Variants in SPEG observed in about 807,000 individuals in gnomAD.
SPEG encodes striated muscle enriched protein kinase, also known as striated muscle preferentially expressed protein kinase.
In SPEG, 114 loss-of-function variants were observed where a neutral mutation model predicts 300.4. That is an observed-to-expected ratio of 0.38 (90% confidence interval 0.33 to 0.44). SPEG has a LOEUF of 0.44. Ranked by LOEUF, SPEG falls within the 20% of genes least tolerant of loss-of-function variation. SPEG has a pLI of 1.00. For synonymous variants in SPEG, 1,964 were observed against 2,018.9 expected (o/e 0.97, Z 0.73); for missense variants, 4,201 against 4,586.2 (o/e 0.92, Z 2.43).
chr2:219,449,147 G>A lies in SPEG; in HGVS notation c.1989G>A (p.Gly663=). The A allele has an allele frequency of 1.4e-6, 2 of 1,432,036 alleles. No individual in the cohort carries two copies. The highest frequency in any genetic ancestry group is 1.5e-5 in the South Asian group (1 of 67,060). The allele number at this position is 1,432,036 out of a possible 1,614,324, so 88.7% of individuals were successfully genotyped here. A position where few individuals can be genotyped will look rare whatever the true frequency, so the allele number is the denominator to read the frequency against. ...VPQTLEKNRA[G]PEAEKRLRRG... ...AGACCTTGGAGAAGAACAGGGCGGG[G>A]CCTGAGGCAGAGAAGAGGCTTCGCA... is the stretch of plus-strand genomic sequence containing the variant. The change falls in exon 4 of 41, where the codon GGG becomes GGA. Residue 663 remains glycine, a synonymous_variant. Coordinates refer to ENST00000312358, the MANE Select transcript of SPEG (RefSeq NM_005876.5).
intron 18 of SPEG, chr2:219,474,217 A>C: frequency 4.7e-6 from 1 of 213,582 alleles, no homozygotes; most frequent in Non-Finnish European, 9.5e-6. Context: ...ATCTCTACTA[A>C]AAATACAAAA....
In SPEG at chr2:219,443,123, C is replaced by T. The variant is rs769530500; in HGVS notation, c.389-1530C>T. ...TCTCTTTCAGAAAACCGGCCATTCC[C>T]GCCGGGCCTTTGGCCGACTCACCCA... On this transcript the variant is annotated intron_variant, in intron 1 of 40. Coordinates refer to ENST00000312358, the MANE Select transcript of SPEG (RefSeq NM_005876.5). The surrounding 1 kb of genome is among the most constrained non-coding windows in gnomAD (Gnocchi z 4.6). 7.4e-6 allele frequency: 12 copies of T among 1,612,686 alleles called. No individual in the cohort carries two copies. Among genetic ancestry groups the T allele is most frequent in the South Asian group, 3.3e-5 (3 of 91,062 alleles).
At chr2:219,491,699 A>T in intron 38 of SPEG, 95 bp from the exon 39 acceptor site, 2 of 923,508 alleles carry the variant, frequency 2.2e-6, no homozygotes, top group South Asian at 1.4e-5. Context: ...GGTGACCAGG[A>T]CATTGTCCTG....
chr2:219,435,183 C>G lies in SPEG; in HGVS notation c.206C>G (p.Thr69Arg). ...CGGCTGCGGGTGGTGGTGAGCGGGA[C>G]GCCCCAGCCCAGCCTCCGCTGGTTC... is the stretch of plus-strand genomic sequence containing the variant. Reference protein sequence around the residue: ...DVRLRVVVSGTPQPSLRWFRD... With the variant: ...DVRLRVVVSGRPQPSLRWFRD... The change falls in exon 1 of 41, where the codon ACG (threonine) becomes AGG (arginine). Residue 69 changes from threonine (T) to arginine (R), a missense_variant. Transcript: ENST00000312358. The G allele has an allele frequency of 6.8e-7, 1 of 1,476,366 alleles. No homozygotes were observed. Among genetic ancestry groups the G allele is most frequent in the East Asian group, 2.9e-5 (1 of 34,680 alleles). 91.5% of individuals were successfully genotyped at this position (1,476,366 alleles called of 1,614,324 possible). A position where few individuals can be genotyped will look rare whatever the true frequency, so the allele number is the denominator to read the frequency against.
At position 219,489,770 on chromosome 2, in the gene SPEG, C is replaced by G. The variant is rs1338319581; in HGVS notation, c.8752C>G (p.Pro2918Ala). Residue 2918 changes from proline to alanine, a missense_variant, in exon 36 of 41, where the codon CCT becomes GCT. By Grantham distance (27) the Pro-to-Ala change is conservative (BLOSUM62 -1). Coordinates refer to ENST00000312358, the MANE Select transcript of SPEG (RefSeq NM_005876.5). ...ACCACCAGCCCCTGAGCCCCCAGCC[C>G]CTGAGCCCCCTCCTGAGCCTACCAA... Reference protein sequence around the residue: ...SAPPAPEPPAPEPPPEPTKVT... With the variant: ...SAPPAPEPPAAEPPPEPTKVT... 1.2e-6 allele frequency: 2 copies of G among 1,613,724 alleles called. No homozygotes were observed. The highest frequency in any genetic ancestry group is 2.2e-5 in the South Asian group (2 of 91,080).
In SPEG at chr2:219,435,240, C is replaced by T. The variant is rs1459813454; in HGVS notation, c.263C>T (p.Pro88Leu). Reference protein sequence around the residue: ...RDGQLLPAPAPEPSCLWLRRC... With the variant: ...RDGQLLPAPALEPSCLWLRRC... The stretch of plus-strand genomic sequence containing the variant: ...GGGCAGCTCCTGCCCGCGCCGGCCC[C>T]CGAGCCCAGCTGCCTGTGGCTGCGG... The change falls in exon 1 of 41, where the codon CCC becomes CTC. Residue 88 changes from proline to leucine, a missense_variant. Transcript: ENST00000312358. 6.8e-7 allele frequency: 1 copy of T among 1,479,302 alleles called. No homozygotes were observed. The highest frequency in any genetic ancestry group is 1.5e-5 in the African/African-American group (1 of 67,894). The allele number at this position is 1,479,302 out of a possible 1,614,324, so 91.6% of individuals were successfully genotyped here. A position where few individuals can be genotyped will look rare whatever the true frequency, so the allele number is the denominator to read the frequency against.
rs761495394 is a variant in SPEG, at chr2:219,492,775, G to A, written c.9793G>A (p.Gly3265Ser). ...RHKVLLRSYP[G>S]GP is the part of the protein sequence containing the mutation. ...CAAGGTGCTGCTGCGCTCCTACCCT[G>A]GCGGCCCCTAGAGGCACGGACCACA... is the stretch of plus-strand genomic sequence containing the variant. The change falls in exon 41 of 41, where the codon GGC becomes AGC. Residue 3265 changes from glycine to serine, a missense_variant. Transcript: ENST00000312358. The A allele has an allele frequency of 6.9e-6, 11 of 1,593,632 alleles. No individual in the cohort carries two copies. The highest frequency in any genetic ancestry group is 3.4e-5 in the Admixed American group (2 of 58,806).
chr2:219,445,142 C>A lies in SPEG; in HGVS notation c.796C>A (p.Arg266=). 1 of 1,579,072 alleles carries A rather than the reference C, an allele frequency of 6.3e-7. No individual in the cohort carries two copies. The change falls in exon 3 of 41, where the codon CGG becomes AGG. Residue 266 remains arginine, a synonymous_variant. Coordinates refer to ENST00000312358, the MANE Select transcript of SPEG (RefSeq NM_005876.5). This position sits in a 1 kb window ranked among gnomAD's most constrained non-coding sequence, Gnocchi z 6.1. ...CAGCGCATTCAGCCTGTACAGAGGACGGGCGCTCTCTATCCACGTGTAAGT... is the reference window on the plus strand; with the variant it reads ...CAGCGCATTCAGCCTGTACAGAGGAAGGGCGCTCTCTATCCACGTGTAAGT... ...YGSAFSLYRG[R]ALSIHVSVPQ...
At chr2:219,490,334 C>T in intron 36 of SPEG, 75 bp from the exon 37 acceptor site, 2 of 1,538,996 alleles carry the variant, frequency 1.3e-6, no homozygotes, top group Non-Finnish European at 1.8e-6. Flanking sequence ...CCCTGCTCTC[C>T]TCCGTTAGCC....
Position 219,489,783 on chromosome 2 carries a change from C to T in SPEG, c.8765C>T (p.Pro2922Leu), listed in dbSNP as rs1203995695. 2 of 1,613,712 alleles carry T rather than the reference C, an allele frequency of 1.2e-6. No individual in the cohort carries two copies. The highest frequency in any genetic ancestry group is 2.2e-5 in the South Asian group (2 of 91,086). Residue 2922 changes from proline to leucine, a missense_variant, in exon 36 of 41, where the codon CCT becomes CTT. By Grantham distance (98) the Pro-to-Leu change is moderately conservative (BLOSUM62 -3). Coordinates refer to ENST00000312358, the MANE Select transcript of SPEG (RefSeq NM_005876.5). ...GAGCCCCCAGCCCCTGAGCCCCCTC[C>T]TGAGCCTACCAAGGTGACTGTGCAG... ...APEPPAPEPPPEPTKVTVQSL... is the reference protein window; with the variant it reads ...APEPPAPEPPLEPTKVTVQSL...
Position 219,484,896 on chromosome 2 carries a change from G to A in SPEG, c.7433G>A (p.Gly2478Glu). ...CGCAGTGGCAGCAGCGAGGACTCGG[G>A]GGGCGCGTCGGGCCGCAGCACGCCG... ...LQRSGSSEDS[G>E]GASGRSTPLF... The change falls in exon 30 of 41, where the codon GGG becomes GAG. Residue 2478 changes from glycine to glutamate, a missense_variant. Transcript: ENST00000312358. 6.6e-7 allele frequency: 1 copy of A among 1,525,740 alleles called. No individual in the cohort carries two copies. Among genetic ancestry groups the A allele is most frequent in the Non-Finnish European group, 8.7e-7 (1 of 1,143,764 alleles). 94.5% of individuals were successfully genotyped at this position (1,525,740 alleles called of 1,614,324 possible). A position where few individuals can be genotyped will look rare whatever the true frequency, so the allele number is the denominator to read the frequency against.
chr2:219,446,962 A>G (rs1045836560), intron 3 of SPEG, among the ~76,000 whole-genome samples: 3 of 148,052 alleles, frequency 2.0e-5, no homozygotes, highest in Non-Finnish European at 4.4e-5. Flanking sequence ...AGGTATGATA[A>G]TACATTTAAT....
Position 219,464,386 on chromosome 2 carries a change from A to C in SPEG, c.2706-47A>C. On this transcript the variant is annotated intron_variant, in intron 8 of 40. Transcript: ENST00000312358. This position sits in a 1 kb window ranked among gnomAD's most constrained non-coding sequence, Gnocchi z 4.5. ...CTGCAGCCCCAGTTCCTGTGCACGCACATCAGGCCCCTGGGCCCTGGGACT... is the reference window on the plus strand; with the variant it reads ...CTGCAGCCCCAGTTCCTGTGCACGCCCATCAGGCCCCTGGGCCCTGGGACT... 1 of 1,565,992 alleles carries C rather than the reference A, an allele frequency of 6.4e-7. No homozygotes were observed. Among genetic ancestry groups the C allele is most frequent in the Non-Finnish European group, 8.6e-7 (1 of 1,157,442 alleles).
chr2:219,477,067 G>A lies in SPEG; in HGVS notation c.4560+85G>A. 1.6e-6 allele frequency: 2 copies of A among 1,261,876 alleles called. No individual in the cohort carries two copies. The highest frequency in any genetic ancestry group is 2.2e-6 in the Non-Finnish European group (2 of 906,622). 78.2% of individuals were successfully genotyped at this position (1,261,876 alleles called of 1,614,324 possible). A position where few individuals can be genotyped will look rare whatever the true frequency, so the allele number is the denominator to read the frequency against. On this transcript the variant is annotated intron_variant, in intron 19 of 40. Transcript: ENST00000312358. This position sits in a 1 kb window ranked among gnomAD's most constrained non-coding sequence, Gnocchi z 6.4. ...GAGGGTCCTGGAAGGCCTTAGGAGG[G>A]CGGAGCCCGGGCAGAGGCGTGGTTA...
intron 3 of SPEG, 41 bp from the exon 4 acceptor site, chr2:219,447,933 G>A (rs770722621): frequency 6.3e-7 from 1 of 1,577,298 alleles, no homozygotes; most frequent in Admixed American, 1.7e-5. Context: ...AGGAGAGGAG[G>A]CCCCCTGAAT....
rs755097485 is a variant in SPEG at position 219,489,664 on chromosome 2, G to A, written c.8646G>A (p.Pro2882=). The stretch of plus-strand genomic sequence containing the variant: ...CTTTCGTCCTTGACACTGGGACCCC[G>A]ATCCCAGCCTCCACTCCTCAAGGGG... ...PKPFVLDTGT[P]IPASTPQGVK... The change falls in exon 36 of 41, where the codon CCG becomes CCA. Residue 2882 remains proline (P), a synonymous_variant. Transcript: ENST00000312358. 34 of 1,613,838 alleles carry A rather than the reference G, an allele frequency of 2.1e-5. No homozygotes were observed. Among genetic ancestry groups the A allele is most frequent in the Non-Finnish European group, 2.7e-5 (32 of 1,180,000 alleles).
rs1366287079 is a variant in SPEG, at chr2:219,444,845, G to T, written c.499G>T (p.Gly167Cys). The change falls in exon 3 of 41, where the codon GGC becomes TGC. Residue 167 changes from glycine (G) to cysteine (C), a missense_variant. By Grantham distance (159) the Gly-to-Cys change is radical. Around this residue, in one of 4 missense-constraint regions of SPEG, gnomAD observed 1,258 missense variants for 1,293.9 expected, o/e 0.97. Transcript: ENST00000312358. This position sits in a 1 kb window ranked among gnomAD's most constrained non-coding sequence, Gnocchi z 7.8. ...TPTGGSDTLV[G>C]TSLDTPPTSV... ...TCTAGGGGGTTCTGACACCCTGGTGGGCACCTCCCTGGACACACCCCCGAC... is the reference window on the plus strand; with the variant it reads ...TCTAGGGGGTTCTGACACCCTGGTGTGCACCTCCCTGGACACACCCCCGAC... The T allele has an allele frequency of 6.3e-7, 1 of 1,581,796 alleles. No individual in the cohort carries two copies. The highest frequency in any genetic ancestry group is 8.6e-7 in the Non-Finnish European group (1 of 1,163,068).
At chr2:219,478,130 A>AG (rs771511482) in intron 22 of SPEG, 25 bp downstream of exon 22, 3 of 1,597,448 alleles carry the variant, frequency 1.9e-6, no homozygotes, top group Non-Finnish European at 2.6e-6. Context: ...GCTGGGGGCT[A>AG]GGGGGATCCA....
intron 13 of SPEG, among the ~76,000 whole-genome samples, chr2:219,471,219 G>A (rs1002887848): frequency 1.3e-5 from 2 of 152,194 alleles, no homozygotes; most frequent in African/African-American, 4.8e-5. Flanking sequence ...TGAAGGACAA[G>A]GAAGCCTTAG....
Sources: allele counts gnomAD v4.1 joint callset (sites outside exome capture counted in the v4.1 genomes callset), GRCh38; gene constraint gnomAD v4.1.1; regional missense constraint gnomAD v4.1.1; non-coding constraint Gnocchi (gnomAD v3.1); transcripts MANE v1.5; gene names NCBI Gene and HGNC (gene_info 2026-07-23, HGNC 2026-07-21).